Variants in FBLN5 observed in about 807,000 individuals in gnomAD.
The protein encoded by FBLN5 is fibulin-5.
A neutral mutation model predicts 61.6 loss-of-function variants in FBLN5; 24 were observed. That is an observed-to-expected ratio of 0.39 (90% CI 0.28 to 0.55). The LOEUF is 0.55. Among genes scored for constraint, FBLN5 ranks in the 20% least tolerant of loss-of-function variants. The probability of loss-of-function intolerance (pLI) is 0.65; values close to 1 mark genes in which losing one functional copy is unlikely to be tolerated. For missense variants in FBLN5, 470 were observed against 594.1 expected, an observed-to-expected ratio of 0.79 and a Z score of 2.17; for synonymous variants, 213 against 219.8, an observed-to-expected ratio of 0.97 and a Z score of 0.27.
Position 91,881,330 on chromosome 14 carries a change from G to A in FBLN5, c.951C>T (p.Pro317=). 16 of 1,614,160 alleles carry A rather than the reference G, an allele frequency of 9.9e-6. No individual in the cohort carries two copies. The highest frequency in any genetic ancestry group is 1.4e-5 in the Non-Finnish European group (16 of 1,179,988). The change falls in exon 9 of 11, where the codon CCC becomes CCT. Residue 317 remains proline (P), a synonymous_variant. Coordinates refer to ENST00000342058, the MANE Select transcript of FBLN5 (RefSeq NM_006329.4). ...NLQGGFKCID[P]IRCEEPYLRI... is the part of the protein sequence containing the mutation. ...TCAGATAAGGCTCCTCACAGCGGAT[G>A]GGGTCAATGCATTTGAAGCCCCCTT... is the stretch of plus-strand genomic sequence containing the variant.
At chr14:91,919,844 A>T (rs1429470719) in intron 4 of FBLN5, among the ~76,000 whole-genome samples, 1 of 152,190 alleles carries the variant, frequency 6.6e-6, no homozygotes, top group Non-Finnish European at 1.5e-5. Context: ...GAACGAGGAG[A>T]CAATACATTT....
chr14:91,920,677 G>A (rs946005204), intron 4 of FBLN5, among the ~76,000 whole-genome samples: 4 of 152,068 alleles, frequency 2.6e-5, no homozygotes, highest in Non-Finnish European at 5.9e-5. Context: ...CTGTTCCCAC[G>A]ATTCTCAGTC....
chr14:91,873,827 G>C (rs1227139741), intron 10 of FBLN5: 1 of 152,256 alleles, frequency 6.6e-6, no homozygotes, highest in East Asian at 1.9e-4. Flanking sequence ...GGATGGCATG[G>C]TCTGACCTGT....
intron 5 of FBLN5, 55 bp from the exon 6 acceptor site, chr14:91,891,392 C>G (rs1044103502): frequency 9.1e-7 from 1 of 1,093,854 alleles, no homozygotes; most frequent in Non-Finnish European, 1.4e-6. Context: ...AATGATGCCC[C>G]CACTAGCATG....
At chr14:91,887,939 GT>G (rs1566804703) in intron 6 of FBLN5, among the ~76,000 whole-genome samples, 1 of 152,092 alleles carries the variant, frequency 6.6e-6, no homozygotes, top group Non-Finnish European at 1.5e-5. Flanking sequence ...GTACACGTAT[GT>G]CAAAATTAAT....
chr14:91,918,769 C>T (rs1268401837), intron 4 of FBLN5, among the ~76,000 whole-genome samples: 3 of 152,178 alleles, frequency 2.0e-5, no homozygotes, highest in Non-Finnish European at 4.4e-5. Flanking sequence ...AGCCAGCAAA[C>T]ATTATTGACC....
At chr14:91,878,131 T>C in intron 9 of FBLN5, 1 of 367,228 alleles carries the variant, frequency 2.7e-6, no homozygotes, top group South Asian at 2.2e-5. Flanking sequence ...ACATTCTCTA[T>C]TGTGCTCAGC....
chr14:91,910,475 G>A (rs771829926), intron 4 of FBLN5, among the ~76,000 whole-genome samples: 1 of 152,146 alleles, frequency 6.6e-6, no homozygotes, highest in Non-Finnish European at 1.5e-5. Context: ...ACACTACCGC[G>A]CTGTGCACTT....
chr14:91,925,987 G>A (rs1243573999), intron 4 of FBLN5, among the ~76,000 whole-genome samples: 1 of 152,086 alleles, frequency 6.6e-6, no homozygotes, highest in Non-Finnish European at 1.5e-5. Flanking sequence ...GAAGGCAGTG[G>A]CGCTCCCCTC....
chr14:91,918,093 G>A (rs547848523), intron 4 of FBLN5, among the ~76,000 whole-genome samples: 1 of 152,318 alleles, frequency 6.6e-6, no homozygotes, highest in East Asian at 1.9e-4. Context: ...ATAAGGTAAA[G>A]GTGGGAGGTC....
At chr14:91,901,485 C>A (rs1890448200) in intron 4 of FBLN5, among the ~76,000 whole-genome samples, 1 of 152,178 alleles carries the variant, frequency 6.6e-6, no homozygotes, top group African/African-American at 2.4e-5. Context: ...TCCTTCCTTG[C>A]TCAAGCTAAT....
chr14:91,886,251 C>G (rs1422845546), intron 7 of FBLN5, among the ~76,000 whole-genome samples: 1 of 152,110 alleles, frequency 6.6e-6, no homozygotes, highest in Non-Finnish European at 1.5e-5. Context: ...GCTGATGATG[C>G]CAGAAGTGGC....
chr14:91,881,733 GC>G (rs2139958568), intron 8 of FBLN5, among the ~76,000 whole-genome samples: 1 of 151,650 alleles, frequency 6.6e-6, no homozygotes, highest in East Asian at 1.9e-4. Flanking sequence ...TTCAAGACCG[GC>G]CTGGGCAACA....
Position 91,877,657 on chromosome 14 carries a change from G to C in FBLN5, c.1015C>G (p.Pro339Ala), listed in dbSNP as rs201191163. 6.2e-6 allele frequency: 10 copies of C among 1,614,082 alleles called. No homozygotes were observed. The highest frequency in any genetic ancestry group is 1.1e-5 in the South Asian group (1 of 91,078). Residue 339 changes from proline to alanine, a missense_variant, in exon 10 of 11, where the codon CCT becomes GCT. By Grantham distance (27) the Pro-to-Ala change is conservative. Transcript: ENST00000342058. The stretch of plus-strand genomic sequence containing the variant: ...GTAAAGGGCTGGTCTCTGCAGCCAG[G>C]GTTCTCAGCAGGACACATACAGCGG... Reference protein sequence around the residue: ...DNRCMCPAENPGCRDQPFTIL... With the variant: ...DNRCMCPAENAGCRDQPFTIL...
At position 91,881,268 on chromosome 14, in the gene FBLN5, C is replaced by T. The variant is rs377430309; in HGVS notation, c.989+24G>A. ...GCCAGGCCCTCATCAGGTTTCTATT[C>T]CCCAGGGGGACGCCGTGACTTACTT... On this transcript the variant is annotated intron_variant, in intron 9 of 10. Transcript: ENST00000342058. 36 of 1,613,600 alleles carry T rather than the reference C, an allele frequency of 2.2e-5. No individual in the cohort carries two copies. In the African/African-American group the frequency reaches 4.5e-4, roughly 20 times the overall value.
At chr14:91,894,412 A>AG (rs1566807934) in intron 5 of FBLN5, among the ~76,000 whole-genome samples, 3 of 147,362 alleles carry the variant, frequency 2.0e-5, no homozygotes, top group Admixed American at 6.8e-5. Flanking sequence ...CAAAAAAAAA[A>AG]AAAAAAAAAA....
chr14:91,877,804 C>T (rs1889242262), intron 9 of FBLN5, 122 bp from the exon 10 acceptor site: 3 of 764,666 alleles, frequency 3.9e-6, no homozygotes, highest in East Asian at 5.3e-5. Flanking sequence ...AATGCCATAA[C>T]TGTAGAATGT....
chr14:91,916,254 T>C lies in FBLN5; in HGVS notation c.379+20693A>G, dbSNP rs540828904. Among the ~76,000 whole-genome samples the C allele has an allele frequency of 9.3e-4, 142 of 152,298 alleles. 1 individual carries two copies. Among genetic ancestry groups the C allele is most frequent in the African/African-American group, 3.2e-3 (132 of 41,558 alleles). ...TGAGGCCAGGAGTTTGAGACCAGCC[T>C]GGCCAACATGGTGAAACCCCATCTC... On this transcript the variant is annotated intron_variant, in intron 4 of 10. Coordinates refer to ENST00000342058, the MANE Select transcript of FBLN5 (RefSeq NM_006329.4).
At chr14:91,871,523 G>C (rs995889949) in intron 10 of FBLN5, among the ~76,000 whole-genome samples, 1 of 152,128 alleles carries the variant, frequency 6.6e-6, no homozygotes, top group Non-Finnish European at 1.5e-5. Flanking sequence ...TCATGTGTGA[G>C]GCACTCTTCT....
Sources: gnomAD v4.1 joint callset for allele counts (sites outside exome capture counted in the v4.1 genomes callset) on GRCh38, gnomAD v4.1.1 for gene constraint, MANE v1.5 for transcripts, NCBI Gene and HGNC (gene_info 2026-07-23, HGNC 2026-07-21) for gene names.